EDRF1: variants seen among roughly 807,000 people sequenced by gnomAD.
EDRF1 encodes erythroid differentiation regulatory factor 1, also known as erythroid differentiation-related factor 1.
EDRF1 carries 69 observed loss-of-function variants against 148.7 expected under a neutral mutation model. That is an observed-to-expected ratio of 0.46 (90% CI 0.38 to 0.57). The LOEUF is 0.57. Ranked by LOEUF, EDRF1 falls within the 20% of genes least tolerant of loss-of-function variation. The probability of loss-of-function intolerance (pLI) is 0.00; values close to 1 mark genes in which losing one functional copy is unlikely to be tolerated. For missense variants in EDRF1, 1,118 were observed against 1,478.7 expected, an observed-to-expected ratio of 0.76 and a Z score of 4.00; for synonymous variants, 515 against 532.8, an observed-to-expected ratio of 0.97 and a Z score of 0.46.
chr10:125,728,321 ATATT>A (rs1180352442), intron 6 of EDRF1, among the ~76,000 whole-genome samples: 1 of 152,214 alleles, frequency 6.6e-6, no homozygotes, highest in Non-Finnish European at 1.5e-5. Context: ...TACTTATTAT[ATATT>A]TATTGTTTTA....
chr10:125,751,399 C>G (rs904585412), intron 22 of EDRF1, among the ~76,000 whole-genome samples: 1 of 135,198 alleles, frequency 7.4e-6, no homozygotes, highest in East Asian at 2.5e-4. Flanking sequence ...CTTATTTTAC[C>G]CAGTGTTTTT....
chr10:125,728,995 T>G lies in EDRF1; in HGVS notation c.793-8T>G, dbSNP rs1455027533. 6.4e-7 allele frequency: 1 copy of G among 1,566,808 alleles called. No individual in the cohort carries two copies. On this transcript the variant is annotated splice_region_variant and splice_polypyrimidine_tract_variant and intron_variant, in intron 6 of 24. Transcript: ENST00000356792. ...CAGAATCACTCCTTATCCTTGCACT[T>G]TTCACAGGGAAGTGAGCCTCTTGAA... is the stretch of plus-strand genomic sequence containing the variant.
At position 125,740,647 on chromosome 10, in the gene EDRF1, C is replaced by T. The variant is rs1367251907; in HGVS notation, c.2166C>T (p.Ser722=). Residue 722 remains serine (S), a synonymous_variant, in exon 16 of 25, where the codon AGC becomes AGT. Transcript: ENST00000356792. ...ALRYIKLALQ[S]HDTYCCLCTN... ...GATACATTAAATTAGCTTTGCAAAGCCATGGTAAGCCACTATAAATGAATA... is the reference window on the plus strand; with the variant it reads ...GATACATTAAATTAGCTTTGCAAAGTCATGGTAAGCCACTATAAATGAATA... 1.9e-6 allele frequency: 3 copies of T among 1,612,990 alleles called. No individual in the cohort carries two copies. The highest frequency in any genetic ancestry group is 2.5e-6 in the Non-Finnish European group (3 of 1,179,852).
intron 24 of EDRF1, among the ~76,000 whole-genome samples, chr10:125,757,279 G>C (rs1051355367): frequency 2.0e-5 from 3 of 152,076 alleles, no homozygotes; most frequent in Non-Finnish European, 4.4e-5. Flanking sequence ...GTTGACCTAG[G>C]ATTTTGCAGT....
At position 125,730,125 on chromosome 10, in the gene EDRF1, C is replaced by T. The variant is rs1031162311; in HGVS notation, c.1017-163C>T. 1.3e-5 allele frequency: 8 copies of T among 608,614 alleles called. No homozygotes were observed. In the South Asian group the frequency reaches 1.6e-4, roughly 12 times the overall value. 37.7% of individuals were successfully genotyped at this position (608,614 alleles called of 1,614,324 possible). ...TGGAAAGATGTTAAATATAGCACAA[C>T]CACTGAGCTGCATGTGCATATCTTA... is the stretch of plus-strand genomic sequence containing the variant. On this transcript the variant is annotated intron_variant, in intron 8 of 24. Transcript: ENST00000356792.
intron 11 of EDRF1, 117 bp downstream of exon 11, chr10:125,733,860 GA>G: frequency 1.0e-6 from 1 of 998,268 alleles, no homozygotes; most frequent in Non-Finnish European, 1.6e-6. Flanking sequence ...ATAGTAGGGG[GA>G]AAAATACACG....
Position 125,734,182 on chromosome 10 carries a change from A to C in EDRF1, c.1496A>C (p.Gln499Pro). The C allele has an allele frequency of 3.8e-5, 60 of 1,586,686 alleles. No homozygotes were observed. Among genetic ancestry groups the C allele is most frequent in the Non-Finnish European group, 4.4e-5 (51 of 1,155,364 alleles). Reference protein sequence around the residue: ...LKLLDKSRHPQIIASANYMLS... With the variant: ...LKLLDKSRHPPIIASANYMLS... ...TTACTGGACAAAAGTAGGCATCCTC[A>C]AGTAAGATTAACATTTATGTATTCT... Residue 499 changes from glutamine to proline, a missense_variant and splice_region_variant, in exon 12 of 25, where the codon CAA becomes CCA. This residue lies in a region of EDRF1 where 954 missense variants were observed against 1,241.4 expected (regional missense o/e 0.77). Transcript: ENST00000356792.
intron 9 of EDRF1, among the ~76,000 whole-genome samples, chr10:125,732,997 C>CA (rs572494630): frequency 4.8e-4 from 72 of 149,542 alleles, no homozygotes; most frequent in African/African-American, 7.9e-4. Context: ...TAGTTTCTAG[C>CA]AAAAAAAAAG....
At position 125,737,788 on chromosome 10, in the gene EDRF1, A is replaced by G. The variant is rs3740182; in HGVS notation, c.1759-130A>G. On this transcript the variant is annotated intron_variant, in intron 13 of 24. Transcript: ENST00000356792. ...AAATTGTAAGTACTTAAAGCAACAT[A>G]TATGTTGTAGGATCTTTTTAAGCAA... 9.8e-3 allele frequency: 8,531 copies of G among 872,780 alleles called. 346 individuals are homozygous for G. The East Asian group carries it at 0.12, about 12-fold the overall frequency. The allele number at this position is 872,780 out of a possible 1,614,324, so 54.1% of individuals were successfully genotyped here.
In EDRF1 at chr10:125,745,814, G is replaced by A. The variant is rs200332695; in HGVS notation, c.2698G>A (p.Ala900Thr). 2.9e-5 allele frequency: 47 copies of A among 1,614,216 alleles called. No individual in the cohort carries two copies. Among genetic ancestry groups the A allele is most frequent in the Non-Finnish European group, 7.6e-6 (9 of 1,180,038 alleles). The change falls in exon 19 of 25, where the codon GCC (alanine) becomes ACC (threonine). Residue 900 changes from alanine to threonine, a missense_variant. By Grantham distance (58) the Ala-to-Thr change is moderately conservative. This residue lies in a region of EDRF1 where 954 missense variants were observed against 1,241.4 expected (regional missense o/e 0.77). Coordinates refer to ENST00000356792, the MANE Select transcript of EDRF1 (RefSeq NM_001202438.2). ...FESIEDATNA[A>T]LLLCNTGRLM... ...ATCAATTGAGGATGCCACCAATGCC[G>A]CCCTTTTATTATGTAACACGGGAAG...
chr10:125,722,190 G>C (rs1264797473), intron 2 of EDRF1, among the ~76,000 whole-genome samples: 3 of 152,190 alleles, frequency 2.0e-5, no homozygotes, highest in African/African-American at 7.2e-5. Context: ...TTTTTTAAAA[G>C]AATGGCTTAA....
intron 13 of EDRF1, among the ~76,000 whole-genome samples, chr10:125,736,702 T>G (rs1164825347): frequency 6.6e-6 from 1 of 151,702 alleles, no homozygotes; most frequent in Non-Finnish European, 1.5e-5. Flanking sequence ...CCATGCTGGG[T>G]TTTTTTTCTC....
chr10:125,757,437 T>C (rs553261406), intron 24 of EDRF1, among the ~76,000 whole-genome samples: 1 of 152,364 alleles, frequency 6.6e-6, no homozygotes, highest in South Asian at 2.1e-4. Flanking sequence ...ACATATGTTA[T>C]AAACAGAATA....
Position 125,745,761 on chromosome 10 carries a change from G to C in EDRF1, c.2645G>C (p.Cys882Ser). The part of the protein sequence containing the change: ...EQQLWKKSFS[C>S]FEKGIHNFES... ...CAGTTGTGGAAAAAAAGCTTTTCTT[G>C]TTTTGAAAAGGGAATTCACAACTTT... The change falls in exon 19 of 25, where the codon TGT becomes TCT. Residue 882 changes from cysteine to serine, a missense_variant. Physicochemically the swap from Cys to Ser is moderately radical, Grantham distance 112. Transcript: ENST00000356792. 6.2e-7 allele frequency: 1 copy of C among 1,614,172 alleles called. No homozygotes were observed. Among genetic ancestry groups the C allele is most frequent in the South Asian group, 1.1e-5 (1 of 91,088 alleles).
In EDRF1 at chr10:125,745,939, T is replaced by C; in HGVS notation, c.2814+9T>C. 6.2e-7 allele frequency: 1 copy of C among 1,613,134 alleles called. No homozygotes were observed. Among genetic ancestry groups the C allele is most frequent in the Admixed American group, 1.7e-5 (1 of 60,022 alleles). On this transcript the variant is annotated intron_variant, in intron 19 of 24. Coordinates refer to ENST00000356792, the MANE Select transcript of EDRF1 (RefSeq NM_001202438.2). ...GCTTGTATTATAATAAGGTAACACA[T>C]TCGCGTACATGTTGGGCCTCACCCA... is the stretch of plus-strand genomic sequence containing the variant.
intron 9 of EDRF1, chr10:125,731,906 C>T: frequency 2.2e-6 from 1 of 453,194 alleles, no homozygotes; most frequent in Non-Finnish European, 4.5e-6. Context: ...GAAAGAGAGA[C>T]TGAGGATCAA....
chr10:125,725,963 A>G, intron 6 of EDRF1, 125 bp downstream of exon 6: 1 of 1,055,998 alleles, frequency 9.5e-7, no homozygotes, highest in South Asian at 1.5e-5. Context: ...GGAATGGGGG[A>G]AAAAAGACTT....
chr10:125,726,236 A>C (rs1181700532), intron 6 of EDRF1, among the ~76,000 whole-genome samples: 2 of 152,166 alleles, frequency 1.3e-5, no homozygotes, highest in Admixed American at 1.3e-4. Context: ...GACATTTCCT[A>C]CCAAATATTG....
At chr10:125,762,899 A>G (rs1850252849) in intron 24 of EDRF1, among the ~76,000 whole-genome samples, 1 of 152,024 alleles carries the variant, frequency 6.6e-6, no homozygotes, top group Admixed American at 6.5e-5. Flanking sequence ...CATTTTCTTC[A>G]TGGCCGTCCG....
Sources: gnomAD v4.1 joint callset for allele counts (sites outside exome capture counted in the v4.1 genomes callset) on GRCh38, gnomAD v4.1.1 for gene constraint, gnomAD v4.1.1 regional missense constraint, MANE v1.5 for transcripts, NCBI Gene and HGNC (gene_info 2026-07-23, HGNC 2026-07-21) for gene names.